RASAL2: variants seen among roughly 807,000 people sequenced by gnomAD.
The protein encoded by RASAL2 is RAS protein activator like 2, also known as ras GTPase-activating protein nGAP.
Under a neutral mutation model 128.9 loss-of-function variants are expected in RASAL2, and 58 were observed. That is an observed-to-expected ratio of 0.45 (90% CI 0.36 to 0.56). The LOEUF (loss-of-function observed/expected upper bound fraction) is 0.56. RASAL2 is among the 20% of genes least tolerant of loss of function. The probability of loss-of-function intolerance (pLI) is 0.00; values close to 1 mark genes in which losing one functional copy is unlikely to be tolerated. For synonymous variants in RASAL2, 561 were observed against 580.8 expected (o/e 0.97, Z 0.49); for missense variants, 1,360 against 1,601.6 (o/e 0.85, Z 2.57).
chr1:178,342,643 G>T (rs1195166843), intron 3 of RASAL2, among the ~76,000 whole-genome samples: 2 of 152,044 alleles, frequency 1.3e-5, no homozygotes, highest in East Asian at 3.8e-4. Flanking sequence ...AAGACTTTAG[G>T]ACATCAATTT....
At chr1:178,188,828 G>A (rs1040014230) in intron 1 of RASAL2, among the ~76,000 whole-genome samples, 10 of 151,962 alleles carry the variant, frequency 6.6e-5, no homozygotes, top group African/African-American at 2.4e-4. Context: ...TTTGCTTGAG[G>A]GTGATGAACC....
chr1:178,188,506 A>G (rs1316395824), intron 1 of RASAL2, among the ~76,000 whole-genome samples: 1 of 152,192 alleles, frequency 6.6e-6, no homozygotes, highest in East Asian at 1.9e-4. Context: ...GGGCAAGTTC[A>G]GTATCGGTCA....
chr1:178,288,040 A>C (rs954264514), intron 2 of RASAL2, among the ~76,000 whole-genome samples: 2 of 152,218 alleles, frequency 1.3e-5, no homozygotes, highest in African/African-American at 4.8e-5. Flanking sequence ...TTTAACAGAC[A>C]TTAAATCACA....
chr1:178,355,178 G>C (rs112170586), intron 3 of RASAL2, among the ~76,000 whole-genome samples: 12 of 152,288 alleles, frequency 7.9e-5, no homozygotes, highest in African/African-American at 2.9e-4. Flanking sequence ...TATTAGGATA[G>C]CCAAAAACTC....
At chr1:178,120,527 C>G (rs1659679010) in intron 1 of RASAL2, among the ~76,000 whole-genome samples, 1 of 152,176 alleles carries the variant, frequency 6.6e-6, no homozygotes, top group Non-Finnish European at 1.5e-5. Context: ...TTAAAGCCTT[C>G]CACCAGATGC....
intron 4 of RASAL2, among the ~76,000 whole-genome samples, chr1:178,408,412 T>C: frequency 6.6e-6 from 1 of 152,304 alleles, no homozygotes; most frequent in South Asian, 2.1e-4. Context: ...TTAAATTTTA[T>C]ATTTGGATTT....
At chr1:178,287,516 A>G (rs1192991442) in intron 2 of RASAL2, among the ~76,000 whole-genome samples, 1 of 152,168 alleles carries the variant, frequency 6.6e-6, no homozygotes, top group Non-Finnish European at 1.5e-5. Context: ...GTCGTTATAT[A>G]ACAAGGATAT....
intron 5 of RASAL2, among the ~76,000 whole-genome samples, chr1:178,438,117 TG>T: frequency 8.1e-6 from 1 of 123,946 alleles, no homozygotes; most frequent in South Asian, 2.4e-4. Flanking sequence ...TGTGTGTGTG[TG>T]TGTGTGTGTG....
intron 1 of RASAL2, among the ~76,000 whole-genome samples, chr1:178,249,888 C>T (rs111924752): frequency 9.8e-5 from 15 of 152,290 alleles, no homozygotes; most frequent in African/African-American, 3.4e-4. Flanking sequence ...TTATCACCAG[C>T]GGAAGCTGCA....
chr1:178,437,848 G>T (rs1045158402), intron 5 of RASAL2, among the ~76,000 whole-genome samples: 6 of 151,958 alleles, frequency 3.9e-5, no homozygotes, highest in African/African-American at 1.4e-4. Flanking sequence ...AGAACAGAAG[G>T]AAATAAATAT....
Position 178,417,498 on chromosome 1 carries a change from A to G in RASAL2, c.565-3013A>G, listed in dbSNP as rs554420820. ...GCCACAAGGCTGGACGCAGTGGCTCATGCCTGTAATCCCAGCACTTTGGGA... is the reference window on the plus strand; with the variant it reads ...GCCACAAGGCTGGACGCAGTGGCTCGTGCCTGTAATCCCAGCACTTTGGGA... On this transcript the variant is annotated intron_variant, in intron 4 of 17. Transcript: ENST00000367649. 5.9e-3 allele frequency among the ~76,000 whole-genome samples: 895 copies of G among 152,260 alleles called. 4 individuals are homozygous for G. The highest frequency in any genetic ancestry group is 8.3e-3 in the Non-Finnish European group (565 of 68,012).
intron 3 of RASAL2, among the ~76,000 whole-genome samples, chr1:178,306,983 G>T (rs1342234319): frequency 1.3e-5 from 2 of 150,326 alleles, no homozygotes; most frequent in Middle Eastern, 3.2e-3. Flanking sequence ...CCTGCACAAT[G>T]TGCACATGTA....
chr1:178,178,834 T>C (rs1049481936), intron 1 of RASAL2, among the ~76,000 whole-genome samples: 3 of 152,188 alleles, frequency 2.0e-5, no homozygotes, highest in Non-Finnish European at 4.4e-5. Flanking sequence ...TTCTTTTCAT[T>C]TAAAAATCCT....
intron 1 of RASAL2, among the ~76,000 whole-genome samples, chr1:178,168,748 T>C (rs567903237): frequency 6.6e-6 from 1 of 152,112 alleles, no homozygotes; most frequent in South Asian, 2.1e-4. Flanking sequence ...ACATGAGAGG[T>C]GGGTTGTGAG....
intron 1 of RASAL2, among the ~76,000 whole-genome samples, chr1:178,249,328 A>T (rs1571703633): frequency 6.6e-6 from 1 of 151,528 alleles, no homozygotes; most frequent in Admixed American, 6.6e-5. Flanking sequence ...TGCTTGATCG[A>T]TTCAGCTATA....
intron 4 of RASAL2, among the ~76,000 whole-genome samples, chr1:178,397,010 T>A (rs1314115750): frequency 6.6e-6 from 1 of 152,104 alleles, no homozygotes; most frequent in Non-Finnish European, 1.5e-5. Flanking sequence ...GAGACAATAA[T>A]AAGTATTGGT....
intron 15 of RASAL2, among the ~76,000 whole-genome samples, chr1:178,464,831 G>GTTTTTTGTTTT (rs1647491098): frequency 2.6e-5 from 1 of 38,198 alleles, no homozygotes; most frequent in Non-Finnish European, 4.4e-5. Context: ...GGTTTTAGTT[G>GTTTTTTGTTTT]TTTTTTTTTT....
chr1:178,238,419 T>A (rs1664350266), intron 1 of RASAL2, among the ~76,000 whole-genome samples: 1 of 152,196 alleles, frequency 6.6e-6, no homozygotes, highest in Admixed American at 6.5e-5. Context: ...TCATTTCGCC[T>A]GGGCATTTAC....
chr1:178,331,206 G>A (rs564998895), intron 3 of RASAL2, among the ~76,000 whole-genome samples: 51 of 152,254 alleles, frequency 3.3e-4, no homozygotes, highest in African/African-American at 1.2e-3. Context: ...TTAAGACGGG[G>A]TTTTGCTCTG....
Sources: gnomAD v4.1 joint callset for allele counts (sites outside exome capture counted in the v4.1 genomes callset) on GRCh38, gnomAD v4.1.1 for gene constraint, MANE v1.5 for transcripts, NCBI Gene and HGNC (gene_info 2026-07-23, HGNC 2026-07-21) for gene names.